The following EXOC2 variants were observed in gnomAD, a reference collection of about 807,000 sequenced individuals.
The protein encoded by EXOC2 is exocyst complex component 2, also known as SEC5-like 1.
Under a neutral mutation model 131.8 loss-of-function variants are expected in EXOC2, and 70 were observed. The observed-to-expected ratio is 0.53, with a 90% CI of 0.44 to 0.65. The LOEUF is 0.65. Among genes scored for constraint, EXOC2 ranks in the 30% least tolerant of loss-of-function variants. The pLI is 0.00. For synonymous variants in EXOC2, 411 were observed against 398.4 expected (o/e 1.03, Z -0.38); for missense variants, 923 against 1,108.6 (o/e 0.83, Z 2.38).
At chr6:639,173 C>T (rs1381208594) in intron 1 of EXOC2, among the ~76,000 whole-genome samples, 2 of 152,154 alleles carry the variant, frequency 1.3e-5, no homozygotes, top group Non-Finnish European at 2.9e-5. Context: ...AGACCCCCAG[C>T]ACAGCAGAGG....
chr6:570,344 A>G (rs1037312219), intron 13 of EXOC2, among the ~76,000 whole-genome samples: 1 of 152,180 alleles, frequency 6.6e-6, no homozygotes, highest in East Asian at 1.9e-4. Flanking sequence ...CGTGTCAGCC[A>G]GGATGATTTC....
intron 1 of EXOC2, 44 bp from the exon 2 acceptor site, chr6:637,905 AG>A: frequency 8.5e-7 from 1 of 1,182,056 alleles, no homozygotes; most frequent in East Asian, 2.4e-5. Flanking sequence ...AACTGAGACA[AG>A]CATTGGCTGA....
At chr6:616,284 T>C (rs1760994662) in intron 6 of EXOC2, among the ~76,000 whole-genome samples, 1 of 152,278 alleles carries the variant, frequency 6.6e-6, no homozygotes, top group East Asian at 1.9e-4. Context: ...TGTTCCCTCT[T>C]AGACATTCAC....
chr6:486,703 G>A lies in EXOC2; in HGVS notation c.2743C>T (p.Gln915Ter), dbSNP rs201999223. ...TTCATCATGGTTGAAGAAGCTGCTT[G>A]GAAACAGGTGAGCTGCAAGTGCATG... ...SSMHLQLTCF[Q>*]AASSTMMKT Residue 915 changes from glutamine (Q) to a stop codon, truncating the protein, a stop_gained, in exon 28 of 28, where the codon CAA becomes TAA. Transcript: ENST00000230449. LOFTEE classifies it high-confidence loss of function. The A allele has an allele frequency of 3.1e-6, 5 of 1,614,196 alleles. No individual in the cohort carries two copies. Among genetic ancestry groups the A allele is most frequent in the African/African-American group, 2.7e-5 (2 of 75,060 alleles).
intron 3 of EXOC2, among the ~76,000 whole-genome samples, chr6:630,838 C>T (rs890544474): frequency 6.6e-6 from 1 of 152,174 alleles, no homozygotes; most frequent in Admixed American, 6.5e-5. Flanking sequence ...TTAAATCAAA[C>T]ACCTTTCAAG....
At chr6:536,740 A>G (rs1766464427) in intron 22 of EXOC2, among the ~76,000 whole-genome samples, 1 of 152,214 alleles carries the variant, frequency 6.6e-6, no homozygotes, top group South Asian at 2.1e-4. Flanking sequence ...AACTTCTGGG[A>G]AAAAATATTC....
chr6:615,190 T>TGTGTGTGG (rs1760928764), intron 6 of EXOC2, among the ~76,000 whole-genome samples: 1 of 150,748 alleles, frequency 6.6e-6, no homozygotes, highest in African/African-American at 2.5e-5. Context: ...TGGGTGTGTG[T>TGTGTGTGG]GTGTGTGTGT....
At chr6:499,587 T>G in intron 24 of EXOC2, 58 bp downstream of exon 24, 1 of 1,433,442 alleles carries the variant, frequency 7.0e-7, no homozygotes, top group Non-Finnish European at 9.7e-7. Flanking sequence ...ATTTACATCT[T>G]TCTTTTTTCT....
intron 25 of EXOC2, among the ~76,000 whole-genome samples, chr6:495,371 G>A (rs937380147): frequency 2.7e-4 from 41 of 151,766 alleles, no homozygotes; most frequent in South Asian, 8.3e-4. Context: ...TGATCCGCCC[G>A]CCTCGGCCTC....
intron 1 of EXOC2, among the ~76,000 whole-genome samples, chr6:674,478 A>G (rs1764018878): frequency 6.6e-6 from 1 of 152,244 alleles, no homozygotes; most frequent in African/African-American, 2.4e-5. Flanking sequence ...CCTTGCAGTA[A>G]TAATGAGGGT....
intron 1 of EXOC2, among the ~76,000 whole-genome samples, chr6:640,211 T>C (rs955307914): frequency 6.6e-6 from 1 of 152,188 alleles, no homozygotes; most frequent in Non-Finnish European, 1.5e-5. Context: ...TTGGTCTAGT[T>C]TCTCCGTAGG....
chr6:529,289 G>C (rs1333323370), intron 23 of EXOC2, among the ~76,000 whole-genome samples: 3 of 152,216 alleles, frequency 2.0e-5, no homozygotes, highest in African/African-American at 7.2e-5. Context: ...GGGTGGATGG[G>C]AAAGACCTGC....
At chr6:487,851 CAAA>C (rs925468876) in intron 27 of EXOC2, among the ~76,000 whole-genome samples, 2 of 152,174 alleles carry the variant, frequency 1.3e-5, no homozygotes, top group Non-Finnish European at 2.9e-5. Flanking sequence ...ATCCCCACAG[CAAA>C]TCTAAAATAT....
intron 1 of EXOC2, chr6:670,246 A>G (rs1763803900): frequency 6.6e-6 from 1 of 152,258 alleles, no homozygotes; most frequent in South Asian, 2.1e-4. Context: ...TCAGTTCAGC[A>G]TCCACACAAG....
chr6:537,024 GAATATACA>G (rs1452798728), intron 22 of EXOC2, among the ~76,000 whole-genome samples: 1 of 152,172 alleles, frequency 6.6e-6, no homozygotes, highest in African/African-American at 2.4e-5. Flanking sequence ...GAATGTATCT[GAATATACA>G]AGAAAAGGTG....
intron 7 of EXOC2, among the ~76,000 whole-genome samples, chr6:606,419 T>G (rs1038639203): frequency 6.6e-6 from 1 of 150,610 alleles, no homozygotes; most frequent in African/African-American, 2.4e-5. Flanking sequence ...AGTATAATAA[T>G]AAAAAAAAGA....
At chr6:642,494 T>A (rs1762399603) in intron 1 of EXOC2, among the ~76,000 whole-genome samples, 1 of 152,092 alleles carries the variant, frequency 6.6e-6, no homozygotes, top group African/African-American at 2.4e-5. Context: ...ACATAGAAAG[T>A]AGGAAAAACA....
chr6:545,734 G>A (rs1169432290), intron 22 of EXOC2, among the ~76,000 whole-genome samples: 2 of 152,168 alleles, frequency 1.3e-5, no homozygotes, highest in African/African-American at 2.4e-5. Context: ...GGATTCTATC[G>A]TGAGGAAGTA....
chr6:612,519 GTTCCTTTT>G (rs1367400766), intron 6 of EXOC2, among the ~76,000 whole-genome samples: 1 of 152,080 alleles, frequency 6.6e-6, no homozygotes, highest in Non-Finnish European at 1.5e-5. Context: ...GTAATCTGTG[GTTCCTTTT>G]CTTCCCAAAT....
Sources: allele counts gnomAD v4.1 joint callset (sites outside exome capture counted in the v4.1 genomes callset), GRCh38; gene constraint gnomAD v4.1.1; transcripts MANE v1.5; gene names NCBI Gene and HGNC (gene_info 2026-07-23, HGNC 2026-07-21).